Variants in VIL1 observed in about 807,000 individuals in gnomAD.
VIL1 encodes the protein villin-1.
A neutral mutation model predicts 104.0 loss-of-function variants in VIL1; 86 were observed. The ratio of observed to expected loss-of-function variants is 0.83; its 90% CI spans 0.69 to 0.99. The LOEUF (loss-of-function observed/expected upper bound fraction) is 0.99. VIL1 is among the 50% of genes least tolerant of loss of function. VIL1 has a pLI of 0.00. For synonymous variants in VIL1, 394 were observed against 412.6 expected, an observed-to-expected ratio of 0.95 and a Z score of 0.55; for missense variants, 944 against 1,054.1, an observed-to-expected ratio of 0.90 and a Z score of 1.45.
chr2:218,420,593 G>T (rs201208952), intron 1 of VIL1, among the ~76,000 whole-genome samples: 10,366 of 108,408 alleles, frequency 0.096, 549 homozygotes, highest in East Asian at 0.17. Context: ...TTTTTTTTTT[G>T]TTTTTTTTTT....
At position 218,440,967 on chromosome 2, in the gene VIL1, G is replaced by A. The variant is rs542622060; in HGVS notation, c.2370+105G>A. The stretch of plus-strand genomic sequence containing the variant: ...GTGACTAGGTGCTGGGGATGAACAA[G>A]ACAGATGGGATCCTGCCTTCATGCC... On this transcript the variant is annotated intron_variant, in intron 19 of 19. Coordinates refer to ENST00000248444, the MANE Select transcript of VIL1 (RefSeq NM_007127.3). 2.3e-5 allele frequency: 32 copies of A among 1,379,674 alleles called. 1 individual carries two copies. The South Asian group carries it at 4.2e-4, about 18-fold the overall frequency. The allele number at this position is 1,379,674 out of a possible 1,614,324, so 85.5% of individuals were successfully genotyped here.
rs1474979317 is a variant in VIL1 at position 218,437,126 on chromosome 2, C to G, written c.1974C>G (p.Val658=). The change falls in exon 17 of 20, where the codon GTC becomes GTG. Residue 658 remains valine (V), a splice_region_variant and synonymous_variant. Coordinates refer to ENST00000248444, the MANE Select transcript of VIL1 (RefSeq NM_007127.3). ...TGATCCCCTGGGTTTCTCAATAGGT[C>G]TTCTTCTGGATTGGGAAACATGCCA... ...DVFLLDVWDQ[V]FFWIGKHANE... is the part of the protein sequence containing the mutation. 1.2e-6 allele frequency: 2 copies of G among 1,613,768 alleles called. No homozygotes were observed. The highest frequency in any genetic ancestry group is 4.5e-5 in the East Asian group (2 of 44,888).
chr2:218,446,026 T>C (rs1411607496), intron 19 of VIL1, among the ~76,000 whole-genome samples: 4 of 152,178 alleles, frequency 2.6e-5, no homozygotes, highest in Non-Finnish European at 4.4e-5. Flanking sequence ...AAGTTGTTTA[T>C]ACAAATATTT....
chr2:218,449,284 C>T lies in VIL1; in HGVS notation c.2432C>T (p.Ala811Val). 6.2e-7 allele frequency: 1 copy of T among 1,614,068 alleles called. No homozygotes were observed. The highest frequency in any genetic ancestry group is 8.5e-7 in the Non-Finnish European group (1 of 1,179,954). Residue 811 changes from alanine (A) to valine (V), a missense_variant, in exon 20 of 20, where the codon GCT (alanine) becomes GTT (valine). Ala to Val is a moderately conservative substitution (Grantham distance 64). Transcript: ENST00000248444. ...AFGMTPAAFS[A>V]LPRWKQQNLK... ...GGGATGACTCCAGCTGCCTTCTCTG[C>T]TCTGCCTCGATGGAAGCAACAAAAC... is the stretch of plus-strand genomic sequence containing the variant.
chr2:218,438,957 G>A (rs1283371221), intron 18 of VIL1, among the ~76,000 whole-genome samples: 6 of 112,798 alleles, frequency 5.3e-5, no homozygotes, highest in Non-Finnish European at 8.6e-5. Flanking sequence ...TTGAGACACA[G>A]TTTCACTCTG....
At chr2:218,441,113 G>A (rs1574819571) in intron 19 of VIL1, among the ~76,000 whole-genome samples, 1 of 152,242 alleles carries the variant, frequency 6.6e-6, no homozygotes, top group Non-Finnish European at 1.5e-5. Context: ...ACAGGGCCGG[G>A]TGCAGTGGCT....
intron 19 of VIL1, among the ~76,000 whole-genome samples, chr2:218,441,100 C>T (rs1180686241): frequency 1.3e-5 from 2 of 152,100 alleles, no homozygotes; most frequent in Non-Finnish European, 2.9e-5. Context: ...AAGAGTATTA[C>T]AAACAGGGCC....
At position 218,450,617 on chromosome 2, in the gene VIL1, AC is replaced by A. The variant is rs1404262232; in HGVS notation, c.*1282del. Reference sequence around the variant, plus strand: ...AGCTCAAAGGGAGGGAAACCTGGGGACAAGAGGTGTGCACACCCACATGTGG... The same window carrying A: ...AGCTCAAAGGGAGGGAAACCTGGGGAAAGAGGTGTGCACACCCACATGTGG... On this transcript the variant is annotated 3_prime_UTR_variant, in exon 20 of 20. Coordinates refer to ENST00000248444, the MANE Select transcript of VIL1 (RefSeq NM_007127.3). 1.3e-5 allele frequency: 2 copies of A among 152,566 alleles called. No homozygotes were observed. The highest frequency in any genetic ancestry group is 2.9e-5 in the Non-Finnish European group (2 of 68,040). The allele number at this position is 152,566 out of a possible 1,614,324, so 9.5% of individuals were successfully genotyped here. A position where few individuals can be genotyped will look rare whatever the true frequency, so the allele number is the denominator to read the frequency against.
At chr2:218,423,081 C>A (rs1254243873) in intron 1 of VIL1, among the ~76,000 whole-genome samples, 1 of 152,098 alleles carries the variant, frequency 6.6e-6, no homozygotes, top group Non-Finnish European at 1.5e-5. Context: ...GCAGCAGGAG[C>A]GAATACAGCT....
intron 10 of VIL1, 139 bp downstream of exon 10, chr2:218,431,017 C>A: frequency 8.6e-7 from 1 of 1,157,284 alleles, no homozygotes; most frequent in Non-Finnish European, 1.2e-6. Flanking sequence ...CTTGTCCTAG[C>A]AGATGGGGAC....
chr2:218,441,345 T>C lies in VIL1; in HGVS notation c.2370+483T>C, dbSNP rs556476713. Among the ~76,000 whole-genome samples, 155 of 149,890 alleles carry C rather than the reference T, an allele frequency of 1.0e-3. 1 individual carries two copies. The highest frequency in any genetic ancestry group is 6.9e-3 in the Admixed American group (103 of 15,014). ...TGGAGGTTGCAGTGAGTCAAGATCA[T>C]GCCACTGCACTCCACCCTGGGTGAC... On this transcript the variant is annotated intron_variant, in intron 19 of 19. Transcript: ENST00000248444.
Position 218,425,665 on chromosome 2 carries a change from C to A in VIL1, c.201C>A (p.Gly67=). ...CCTATGACATCCACTACTGGATTGGCCAGGACTCATCCCTGGATGAGCAGG... is the reference window on the plus strand; with the variant it reads ...CCTATGACATCCACTACTGGATTGGACAGGACTCATCCCTGGATGAGCAGG... The part of the protein sequence containing the change: ...SLSYDIHYWI[G]QDSSLDEQGA... The change falls in exon 4 of 20, where the codon GGC becomes GGA. Residue 67 remains glycine, a synonymous_variant. Coordinates refer to ENST00000248444, the MANE Select transcript of VIL1 (RefSeq NM_007127.3). The A allele has an allele frequency of 6.2e-7, 1 of 1,614,192 alleles. No individual in the cohort carries two copies. The highest frequency in any genetic ancestry group is 1.3e-5 in the African/African-American group (1 of 75,050).
At position 218,438,725 on chromosome 2, in the gene VIL1, C is replaced by G; in HGVS notation, c.2228C>G (p.Ala743Gly). 3.1e-6 allele frequency: 5 copies of G among 1,610,908 alleles called. No individual in the cohort carries two copies. Among genetic ancestry groups the G allele is most frequent in the Non-Finnish European group, 4.2e-6 (5 of 1,179,220 alleles). The change falls in exon 18 of 20, where the codon GCT (alanine) becomes GGT (glycine). Residue 743 changes from alanine (A) to glycine (G), a missense_variant and splice_region_variant. Transcript: ENST00000248444. ...GNSRDWSQIT[A>G]EVTSPKVDVF... is the part of the protein sequence containing the mutation. Reference sequence around the variant, plus strand: ...TCTAGGGACTGGAGCCAGATCACTGCTGTGAGTCCGGGGCGGGGTGGCTGG... The same window carrying G: ...TCTAGGGACTGGAGCCAGATCACTGGTGTGAGTCCGGGGCGGGGTGGCTGG...
chr2:218,431,879 C>T lies in VIL1; in HGVS notation c.1125C>T (p.Phe375=), dbSNP rs374915060. Residue 375 remains phenylalanine (F), a synonymous_variant, in exon 11 of 20, where the codon TTC becomes TTT. Transcript: ENST00000248444. ...GSVAKVEQVK[F]DATSMHVKPQ... The stretch of plus-strand genomic sequence containing the variant: ...TAGCCAAAGTGGAACAGGTGAAGTT[C>T]GATGCCACATCCATGCATGTCAAGC... The T allele has an allele frequency of 5.0e-6, 8 of 1,613,710 alleles. No homozygotes were observed. The highest frequency in any genetic ancestry group is 2.7e-5 in the African/African-American group (2 of 74,958).
rs900317264 is a variant in VIL1 at position 218,450,691 on chromosome 2, T to C, written c.*1355T>C. The C allele has an allele frequency of 6.6e-6, 1 of 152,292 alleles. No individual in the cohort carries two copies. Among genetic ancestry groups the C allele is most frequent in the African/African-American group, 2.4e-5 (1 of 41,446 alleles). 9.4% of individuals were successfully genotyped at this position (152,292 alleles called of 1,614,324 possible). On this transcript the variant is annotated 3_prime_UTR_variant, in exon 20 of 20. Coordinates refer to ENST00000248444, the MANE Select transcript of VIL1 (RefSeq NM_007127.3). ...CTATTTTTGAAGTAGACCAGTTTAG[T>C]TGACTGTTCTTCTTTGTTCTGGCAT...
At chr2:218,438,356 C>T (rs968348319) in intron 17 of VIL1, among the ~76,000 whole-genome samples, 16 of 152,242 alleles carry the variant, frequency 1.1e-4, no homozygotes, top group African/African-American at 3.4e-4. Flanking sequence ...TCCATACTGC[C>T]TGTGGGTTCT....
chr2:218,433,042 G>A, intron 13 of VIL1, 91 bp downstream of exon 13: 8 of 1,513,232 alleles, frequency 5.3e-6, no homozygotes, highest in Non-Finnish European at 4.5e-6. Context: ...GTGGGAGCAG[G>A]GCTTGAGGTG....
rs750796385 is a variant in VIL1 at position 218,432,175 on chromosome 2, G to A, written c.1333G>A (p.Val445Ile). 7.0e-5 allele frequency: 113 copies of A among 1,612,416 alleles called. No individual in the cohort carries two copies. The highest frequency in any genetic ancestry group is 1.0e-4 in the Admixed American group (6 of 59,954). ...IGEKQHYLLY[V>I]WQGSQASQDE... ...CGAGAAGCAGCATTACCTGCTCTAC[G>A]TTTGGCAGGTCAGGTCCCGCCACGT... Residue 445 changes from valine (V) to isoleucine (I), a missense_variant, in exon 12 of 20, where the codon GTT becomes ATT. Val to Ile is a conservative substitution (Grantham distance 29, BLOSUM62 3). Coordinates refer to ENST00000248444, the MANE Select transcript of VIL1 (RefSeq NM_007127.3).
chr2:218,421,594 G>T (rs1488182236), intron 1 of VIL1, among the ~76,000 whole-genome samples: 2 of 151,972 alleles, frequency 1.3e-5, no homozygotes, highest in Non-Finnish European at 2.9e-5. Context: ...GACCAACATG[G>T]GTAGAGGGCA....
Sources: gnomAD v4.1 joint callset for allele counts (sites outside exome capture counted in the v4.1 genomes callset) on GRCh38, gnomAD v4.1.1 for gene constraint, MANE v1.5 for transcripts, NCBI Gene and HGNC (gene_info 2026-07-23, HGNC 2026-07-21) for gene names.